RBFOX1: variants seen among roughly 807,000 people sequenced by gnomAD.
RBFOX1 encodes RNA binding protein fox-1 homolog 1.
In RBFOX1, 8 loss-of-function variants were observed where a neutral mutation model predicts 57.7. The ratio of observed to expected loss-of-function variants is 0.14; its 90% confidence interval spans 0.08 to 0.25. The LOEUF (loss-of-function observed/expected upper bound fraction) is 0.25, where lower values mean the gene tolerates loss of function less well. Ranked by LOEUF, RBFOX1 falls within the 10% of genes least tolerant of loss-of-function variation. RBFOX1 has a pLI of 1.00. For missense variants in RBFOX1, 611 were observed against 548.5 expected (o/e 1.11, Z -1.14); for synonymous variants, 326 against 222.4 (o/e 1.47, Z -4.15).
chr16:6,969,435 A>G (rs558589338), intron 3 of RBFOX1, among the ~76,000 whole-genome samples: 2 of 151,910 alleles, frequency 1.3e-5, no homozygotes, highest in Admixed American at 6.5e-5. Flanking sequence ...TTTGTACAAC[A>G]TTACATTCAA....
Position 6,983,106 on chromosome 16 carries a change from A to G in RBFOX1, c.-15-68951A>G, listed in dbSNP as rs9937534. Among the ~76,000 whole-genome samples, 582 of 151,836 alleles carry G rather than the reference A, an allele frequency of 3.8e-3. 8 individuals are homozygous for G. The highest frequency in any genetic ancestry group is 0.013 in the African/African-American group (557 of 41,394). ...GTGGCCATGCTGAGACATGAGTTAC[A>G]GTTTTCCAGATACCAAAACTCTTAG... On this transcript the variant is annotated intron_variant, in intron 3 of 15. Coordinates refer to ENST00000550418, the MANE Select transcript of RBFOX1 (RefSeq NM_018723.4).
At chr16:7,568,686 C>A (rs2092407521) in intron 5 of RBFOX1, among the ~76,000 whole-genome samples, 1 of 151,718 alleles carries the variant, frequency 6.6e-6, no homozygotes. Context: ...GAGATCGAGA[C>A]CATCCTGGCT....
At chr16:5,475,498 C>G (rs987692215) in intron 2 of RBFOX1, among the ~76,000 whole-genome samples, 2 of 152,218 alleles carry the variant, frequency 1.3e-5, no homozygotes, top group African/African-American at 2.4e-5. Flanking sequence ...AACCTCTTCC[C>G]AGGCATTGTC....
At chr16:7,557,619 C>CAAAAAAAAA (rs1170051114) in intron 5 of RBFOX1, among the ~76,000 whole-genome samples, 16 of 40,736 alleles carry the variant, frequency 3.9e-4, no homozygotes, top group South Asian at 2.0e-3. Flanking sequence ...GACTCTGTCT[C>CAAAAAAAAA]AAAAAAAAAA....
chr16:6,911,655 T>C (rs1165055539), intron 3 of RBFOX1, among the ~76,000 whole-genome samples: 1 of 152,210 alleles, frequency 6.6e-6, no homozygotes, highest in African/African-American at 2.4e-5. Context: ...TCAACATCTT[T>C]TGGTGGGAAC....
intron 4 of RBFOX1, among the ~76,000 whole-genome samples, chr16:7,212,586 T>C (rs555778707): frequency 6.6e-6 from 1 of 152,192 alleles, no homozygotes; most frequent in Non-Finnish European, 1.5e-5. Context: ...CTCACATCCC[T>C]TGAAGGCTGA....
intron 3 of RBFOX1, among the ~76,000 whole-genome samples, chr16:5,809,618 C>T (rs1490646867): frequency 5.9e-5 from 9 of 152,166 alleles, no homozygotes; most frequent in South Asian, 4.1e-4. Context: ...ATCAAAACCA[C>T]GATGAGATAC....
chr16:7,686,641 C>G (rs1039986508), intron 14 of RBFOX1, among the ~76,000 whole-genome samples: 15 of 152,070 alleles, frequency 9.9e-5, no homozygotes, highest in African/African-American at 3.6e-4. Flanking sequence ...TCAACTTGCA[C>G]AAAAGGTCTG....
At chr16:5,719,272 G>A (rs1254108345) in intron 3 of RBFOX1, among the ~76,000 whole-genome samples, 1 of 149,514 alleles carries the variant, frequency 6.7e-6, no homozygotes, top group Admixed American at 6.7e-5. Context: ...CACGATCTCG[G>A]CTCACTGCAA....
rs561980796 is a variant in RBFOX1, at chr16:6,631,758, G to A, written c.-63-22845G>A. Among the ~76,000 whole-genome samples, 7 of 152,288 alleles carry A rather than the reference G, an allele frequency of 4.6e-5. No homozygotes were observed. In the South Asian group the frequency reaches 1.2e-3, roughly 27 times the overall value. On this transcript the variant is annotated intron_variant, in intron 2 of 15. Coordinates refer to ENST00000550418, the MANE Select transcript of RBFOX1 (RefSeq NM_018723.4). ...AGCTGGTGTCTGAACTGACCTTGGG[G>A]TAGGGAGGAGGAGCAGCCACCGGGA... is the stretch of plus-strand genomic sequence containing the variant.
intron 1 of RBFOX1, among the ~76,000 whole-genome samples, chr16:6,204,341 C>T (rs1305242890): frequency 3.9e-5 from 6 of 152,160 alleles, no homozygotes; most frequent in Non-Finnish European, 7.3e-5. Context: ...GCTTCTGTGA[C>T]CACTCATCCA....
chr16:5,481,498 A>G (rs1424715296), intron 2 of RBFOX1, among the ~76,000 whole-genome samples: 1 of 152,300 alleles, frequency 6.6e-6, no homozygotes, highest in East Asian at 1.9e-4. Context: ...TTTTCTTGTT[A>G]CTACTTGTCT....
At chr16:6,756,089 C>A (rs186110888) in intron 3 of RBFOX1, among the ~76,000 whole-genome samples, 1 of 152,110 alleles carries the variant, frequency 6.6e-6, no homozygotes, top group African/African-American at 2.4e-5. Flanking sequence ...ACCCTTTTTG[C>A]AAGTTTTATT....
At chr16:5,423,713 C>T (rs547749287) in intron 1 of RBFOX1, among the ~76,000 whole-genome samples, 21 of 152,274 alleles carry the variant, frequency 1.4e-4, no homozygotes, top group African/African-American at 4.8e-4. Context: ...CTTCCATTGA[C>T]GATTGTACCT....
At chr16:5,683,378 A>G (rs188016105) in intron 3 of RBFOX1, among the ~76,000 whole-genome samples, 143 of 151,692 alleles carry the variant, frequency 9.4e-4, no homozygotes, top group African/African-American at 3.0e-3. Context: ...CTGAGTGTCA[A>G]CTTGATTGGA....
intron 2 of RBFOX1, among the ~76,000 whole-genome samples, chr16:6,366,978 T>A (rs1441235822): frequency 6.6e-6 from 1 of 152,216 alleles, no homozygotes; most frequent in African/African-American, 2.4e-5. Context: ...ATGACAATTT[T>A]ATGTACTTCT....
chr16:6,806,659 A>G (rs1016908529), intron 3 of RBFOX1, among the ~76,000 whole-genome samples: 2 of 151,614 alleles, frequency 1.3e-5, no homozygotes, highest in African/African-American at 4.8e-5. Context: ...GATTTGTATT[A>G]TATGCGCTAA....
intron 4 of RBFOX1, among the ~76,000 whole-genome samples, chr16:7,220,840 T>A (rs1179703271): frequency 6.6e-6 from 1 of 152,082 alleles, no homozygotes; most frequent in Non-Finnish European, 1.5e-5. Context: ...TTGATCTCTA[T>A]CCACCCTTAA....
At chr16:7,078,351 C>CTTTA (rs1567176476) in intron 4 of RBFOX1, among the ~76,000 whole-genome samples, 1 of 152,020 alleles carries the variant, frequency 6.6e-6, no homozygotes, top group Non-Finnish European at 1.5e-5. Context: ...ACCCCATATA[C>CTTTA]TTTATTTATT....
Sources: allele counts gnomAD v4.1 joint callset (sites outside exome capture counted in the v4.1 genomes callset), GRCh38; gene constraint gnomAD v4.1.1; transcripts MANE v1.5; gene names NCBI Gene and HGNC (gene_info 2026-07-23, HGNC 2026-07-21).